SRGAP1: variants seen among roughly 807,000 people sequenced by gnomAD.
SRGAP1 encodes SLIT-ROBO Rho GTPase-activating protein 1.
In SRGAP1, 43 loss-of-function variants were observed where a neutral mutation model predicts 121.9. The ratio of observed to expected loss-of-function variants is 0.35; its 90% CI spans 0.28 to 0.46. SRGAP1 has a LOEUF of 0.46. Ranked by LOEUF, SRGAP1 falls within the 20% of genes least tolerant of loss-of-function variation. The pLI is 1.00. For missense variants in SRGAP1, 1,102 were observed against 1,350.9 expected (o/e 0.82, Z 2.89); for synonymous variants, 447 against 485.4 (o/e 0.92, Z 1.04).
In SRGAP1 at chr12:64,147,553, C is replaced by G; in HGVS notation, c.*4881C>G. 2.5e-6 allele frequency: 1 copy of G among 399,042 alleles called. No homozygotes were observed. Among genetic ancestry groups the G allele is most frequent in the Non-Finnish European group, 4.4e-6 (1 of 226,376 alleles). The allele number at this position is 399,042 out of a possible 1,614,324, so 24.7% of individuals were successfully genotyped here. On this transcript the variant is annotated 3_prime_UTR_variant, in exon 22 of 22. Coordinates refer to ENST00000355086, the MANE Select transcript of SRGAP1 (RefSeq NM_020762.4). Reference sequence around the variant, plus strand: ...TGCCTTTCTCACCCCTGTGTCCTCCCATCCCACCGCATCAGTCCCCCGCTC... The same window carrying G: ...TGCCTTTCTCACCCCTGTGTCCTCCGATCCCACCGCATCAGTCCCCCGCTC...
chr12:63,925,510 T>C (rs2031224974), intron 1 of SRGAP1, among the ~76,000 whole-genome samples: 1 of 152,184 alleles, frequency 6.6e-6, no homozygotes, highest in Non-Finnish European at 1.5e-5. Context: ...ATTCAGTGTT[T>C]TAGAATTAAA....
At chr12:64,116,895 G>A (rs1565687918) in intron 18 of SRGAP1, among the ~76,000 whole-genome samples, 2 of 152,232 alleles carry the variant, frequency 1.3e-5, no homozygotes, top group African/African-American at 2.4e-5. Flanking sequence ...AGGAGGCAGA[G>A]GGAGAGTGAA....
rs769234004 is a variant in SRGAP1, at chr12:64,128,097, C to T, written c.2777C>T (p.Ser926Phe). Residue 926 changes from serine to phenylalanine, a missense_variant, in exon 21 of 22, where the codon TCC becomes TTC. Coordinates refer to ENST00000355086, the MANE Select transcript of SRGAP1 (RefSeq NM_020762.4). ...GSLTNISRHD[S>F]LKKIDSPPIR... ...CTGACCAACATCAGCCGGCACGACTCCCTCAAGAAGATCGACAGCCCTCCC... is the reference window on the plus strand; with the variant it reads ...CTGACCAACATCAGCCGGCACGACTTCCTCAAGAAGATCGACAGCCCTCCC... 1 of 1,614,166 alleles carries T rather than the reference C, an allele frequency of 6.2e-7. No individual in the cohort carries two copies. Among genetic ancestry groups the T allele is most frequent in the Non-Finnish European group, 8.5e-7 (1 of 1,180,044 alleles).
At chr12:63,878,645 G>A (rs1900100265) in intron 1 of SRGAP1, 1 of 152,186 alleles carries the variant, frequency 6.6e-6, no homozygotes, top group Admixed American at 6.5e-5. Flanking sequence ...AGGGATGATA[G>A]GGAATGCCTT....
intron 17 of SRGAP1, among the ~76,000 whole-genome samples, chr12:64,112,899 T>C (rs2036453041): frequency 1.3e-5 from 2 of 151,708 alleles, no homozygotes. Context: ...GGAAGGGGAA[T>C]AGGAAGGATG....
At position 64,142,289 on chromosome 12, in the gene SRGAP1, C is replaced by A; in HGVS notation, c.2881-6C>A. 6.2e-7 allele frequency: 1 copy of A among 1,609,670 alleles called. No individual in the cohort carries two copies. On this transcript the variant is annotated splice_polypyrimidine_tract_variant and splice_region_variant and intron_variant, in intron 21 of 21. Transcript: ENST00000355086. The stretch of plus-strand genomic sequence containing the variant: ...GCTTTCTCTCTTTCCGATTATTCTT[C>A]AATAGGATATTGAAGAAACGATGAA...
Position 64,148,902 on chromosome 12 carries a change from A to T in SRGAP1, c.*6230A>T, listed in dbSNP as rs1193712393. 2.6e-5 allele frequency: 4 copies of T among 152,196 alleles called. No individual in the cohort carries two copies. The highest frequency in any genetic ancestry group is 6.5e-5 in the Admixed American group (1 of 15,284). The allele number at this position is 152,196 out of a possible 1,614,324, so 9.4% of individuals were successfully genotyped here. A position where few individuals can be genotyped will look rare whatever the true frequency, so the allele number is the denominator to read the frequency against. On this transcript the variant is annotated 3_prime_UTR_variant, in exon 22 of 22. Coordinates refer to ENST00000355086, the MANE Select transcript of SRGAP1 (RefSeq NM_020762.4). ...TGTGAATGTATCAGTATCCTGACTA[A>T]TCACACCATGGTGTAGTTTTGCCTG...
rs1229956257 is a variant in SRGAP1, at chr12:64,150,931, T to G, written c.*8259T>G. Reference sequence around the variant, plus strand: ...ACCTGGGTGGAAGAGTGAGAAGCTATCTCAAAAAAAAAAAAAAAAAAAAAA... The same window carrying G: ...ACCTGGGTGGAAGAGTGAGAAGCTAGCTCAAAAAAAAAAAAAAAAAAAAAA... On this transcript the variant is annotated 3_prime_UTR_variant, in exon 22 of 22. Coordinates refer to ENST00000355086, the MANE Select transcript of SRGAP1 (RefSeq NM_020762.4). The G allele has an allele frequency of 3.5e-5, 1 of 28,342 alleles. No individual in the cohort carries two copies. Among genetic ancestry groups the G allele is most frequent in the Non-Finnish European group, 8.7e-5 (1 of 11,488 alleles). The allele number at this position is 28,342 out of a possible 1,614,324, so 1.8% of individuals were successfully genotyped here. A position where few individuals can be genotyped will look rare whatever the true frequency, so the allele number is the denominator to read the frequency against.
intron 1 of SRGAP1, among the ~76,000 whole-genome samples, chr12:63,934,944 T>C (rs1258788684): frequency 6.6e-6 from 1 of 152,180 alleles, no homozygotes; most frequent in Non-Finnish European, 1.5e-5. Context: ...TTAGTGGAGA[T>C]GGAGAATAGA....
chr12:63,945,644 A>G (rs1005342914), intron 1 of SRGAP1, among the ~76,000 whole-genome samples: 8 of 152,192 alleles, frequency 5.3e-5, no homozygotes, highest in African/African-American at 1.9e-4. Flanking sequence ...GGATACTGTC[A>G]CTGTTGTACA....
chr12:64,052,408 A>G (rs2136520495), intron 6 of SRGAP1, among the ~76,000 whole-genome samples: 1 of 152,210 alleles, frequency 6.6e-6, no homozygotes, highest in East Asian at 1.9e-4. Context: ...CAAAAACATT[A>G]GCCAGGCGTG....
intron 1 of SRGAP1, among the ~76,000 whole-genome samples, chr12:63,935,212 A>G (rs7135938): frequency 0.011 from 1,687 of 152,286 alleles, 6 homozygotes; most frequent in Non-Finnish European, 0.014. Context: ...AGTCATATGG[A>G]GAGTCTGAGC....
intron 15 of SRGAP1, among the ~76,000 whole-genome samples, chr12:64,102,738 A>T (rs1375627964): frequency 1.3e-5 from 2 of 152,160 alleles, no homozygotes; most frequent in African/African-American, 4.8e-5. Flanking sequence ...TACAGTAGGT[A>T]TCAGTACTTC....
intron 3 of SRGAP1, among the ~76,000 whole-genome samples, chr12:64,012,218 A>G (rs2034272911): frequency 6.6e-6 from 1 of 152,244 alleles, no homozygotes. Flanking sequence ...CTGAAACATC[A>G]AAATGACAAT....
chr12:63,977,916 A>G (rs1310683869), intron 1 of SRGAP1, among the ~76,000 whole-genome samples: 1 of 152,050 alleles, frequency 6.6e-6, no homozygotes, highest in Non-Finnish European at 1.5e-5. Context: ...CAGAGATCAC[A>G]TTTTTCCGCC....
chr12:64,071,593 T>A (rs2035636621), intron 8 of SRGAP1, among the ~76,000 whole-genome samples: 1 of 152,112 alleles, frequency 6.6e-6, no homozygotes, highest in South Asian at 2.1e-4. Flanking sequence ...TAGACCACAC[T>A]CAGTGTCAGG....
intron 1 of SRGAP1, among the ~76,000 whole-genome samples, chr12:63,937,027 T>A (rs2031686302): frequency 6.6e-6 from 1 of 152,190 alleles, no homozygotes. Context: ...GAATGCCTGT[T>A]CTATGCCCAG....
At chr12:64,093,906 T>C (rs1565942) in intron 12 of SRGAP1, among the ~76,000 whole-genome samples, 79,838 of 151,978 alleles carry the variant, frequency 0.53, 22,022 homozygotes, top group African/African-American at 0.7. Context: ...TGCATTATTC[T>C]TAATCCTTCC....
At chr12:64,128,329 CAG>C in intron 21 of SRGAP1, 129 bp downstream of exon 21, 1 of 962,634 alleles carries the variant, frequency 1.0e-6, no homozygotes, top group Non-Finnish European at 1.5e-6. Flanking sequence ...CTAAAGAAAA[CAG>C]AAACAAAACC....
Sources: gnomAD v4.1 joint callset for allele counts (sites outside exome capture counted in the v4.1 genomes callset) on GRCh38, gnomAD v4.1.1 for gene constraint, MANE v1.5 for transcripts, NCBI Gene and HGNC (gene_info 2026-07-23, HGNC 2026-07-21) for gene names.